The following ZNF514 variants were observed in gnomAD, a reference collection of about 807,000 sequenced individuals.
The protein encoded by ZNF514 is zinc finger protein 514.
ZNF514 carries 12 observed loss-of-function variants against 9.7 expected under a neutral mutation model. The ratio of observed to expected loss-of-function variants is 1.24; its 90% CI spans 0.79 to 2.01. The LOEUF (loss-of-function observed/expected upper bound fraction) is 2.01. ZNF514 is among the 30% of genes most tolerant of loss of function. The probability of loss-of-function intolerance (pLI) is 0.00; values close to 1 mark genes in which losing one functional copy is unlikely to be tolerated. For missense variants in ZNF514, 467 were observed against 465.5 expected, an observed-to-expected ratio of 1.00 and a Z score of -0.03; for synonymous variants, 158 against 163.7, an observed-to-expected ratio of 0.97 and a Z score of 0.27.
chr2:95,149,674 G>A lies in ZNF514; in HGVS notation c.811C>T (p.Gln271Ter). 6.2e-7 allele frequency: 1 copy of A among 1,614,152 alleles called. No homozygotes were observed. The highest frequency in any genetic ancestry group is 1.1e-5 in the South Asian group (1 of 91,082). The change falls in exon 5 of 5, where the codon CAG becomes TAG. Residue 271 changes from glutamine (Q) to a stop codon, truncating the protein, a stop_gained. Coordinates refer to ENST00000295208, the MANE Select transcript of ZNF514 (RefSeq NM_032788.3). LOFTEE classifies it low-confidence loss of function (END_TRUNC). ...ECSECGRAFSQSSSLVLHYRF... is the reference protein window; with the variant it reads ...ECSECGRAFS The stretch of plus-strand genomic sequence containing the variant: ...TAGTGCAGAACAAGAGACGAACTCT[G>A]GCTGAAGGCTCTCCCACATTCACTG...
chr2:95,148,981 C>CAG lies in ZNF514; in HGVS notation c.*300_*301insCT. The CAG allele has an allele frequency of 3.1e-6, 1 of 321,888 alleles. No homozygotes were observed. Among genetic ancestry groups the CAG allele is most frequent in the Non-Finnish European group, 5.7e-6 (1 of 176,126 alleles). 19.9% of individuals were successfully genotyped at this position (321,888 alleles called of 1,614,324 possible). ...TGCCACACTCACTGCATTGATAAGG[C>CAG]TCCTCCCCAGTGTCGGCTGTCTGAT... On this transcript the variant is annotated 3_prime_UTR_variant, in exon 5 of 5. Coordinates refer to ENST00000295208, the MANE Select transcript of ZNF514 (RefSeq NM_032788.3).
chr2:95,144,941 A>C (rs1262187452), downstream of ZNF514, among the ~76,000 whole-genome samples: 1 of 152,172 alleles, frequency 6.6e-6, no homozygotes, highest in Non-Finnish European at 1.5e-5. Flanking sequence ...ACCTATCCCT[A>C]AAAGATGGAA....
intron 4 of ZNF514, among the ~76,000 whole-genome samples, chr2:95,151,369 C>T (rs1461460394): frequency 6.6e-6 from 1 of 152,198 alleles, no homozygotes; most frequent in Non-Finnish European, 1.5e-5. Context: ...GCTGGGAACA[C>T]CCATCTGTTT....
the ZNF514 span, among the ~76,000 whole-genome samples, chr2:95,137,166 TCTAG>T: frequency 2.6e-5 from 4 of 152,186 alleles, no homozygotes; most frequent in Non-Finnish European, 5.9e-5. Flanking sequence ...AAGAAAATGC[TCTAG>T]CTGATTACCA....
At chr2:95,156,723 C>T (rs1179429716) in intron 2 of ZNF514, among the ~76,000 whole-genome samples, 1 of 152,194 alleles carries the variant, frequency 6.6e-6, no homozygotes, top group East Asian at 1.9e-4. Flanking sequence ...GCCTGCTTAA[C>T]ATGTTACTGG....
chr2:95,132,361 C>T, the ZNF514 span, among the ~76,000 whole-genome samples: 8 of 152,096 alleles, frequency 5.3e-5, no homozygotes, highest in Non-Finnish European at 1.0e-4. Context: ...CAAAGACGTA[C>T]ATGAAAAGAT....
In ZNF514 at chr2:95,146,917, A is replaced by G. The variant is rs1261158604; in HGVS notation, c.*2365T>C. ...GTGTGATCTTGACCTCAGCTGTCCA[A>G]GTACTTCCAGATCCAGATGCCTCCT... is the stretch of plus-strand genomic sequence containing the variant. On this transcript the variant is annotated 3_prime_UTR_variant, in exon 5 of 5. Transcript: ENST00000295208. 6.6e-6 allele frequency among the ~76,000 whole-genome samples: 1 copy of G among 152,092 alleles called. No homozygotes were observed. Among genetic ancestry groups the G allele is most frequent in the Non-Finnish European group, 1.5e-5 (1 of 68,014 alleles).
intron 4 of ZNF514, 118 bp from the exon 5 acceptor site, chr2:95,150,385 A>C: frequency 7.8e-6 from 9 of 1,151,670 alleles, no homozygotes; most frequent in Non-Finnish European, 8.3e-6. Flanking sequence ...TAACACCTAA[A>C]AGGGACGTAC....
At chr2:95,138,361 C>A in the ZNF514 span, among the ~76,000 whole-genome samples, 1 of 152,080 alleles carries the variant, frequency 6.6e-6, no homozygotes, top group Non-Finnish European at 1.5e-5. Context: ...TACTTGTGAC[C>A]AAAATGCTTA....
At chr2:95,139,687 T>G in the ZNF514 span, among the ~76,000 whole-genome samples, 1 of 152,218 alleles carries the variant, frequency 6.6e-6, no homozygotes, top group Non-Finnish European at 1.5e-5. Context: ...GAGTTAACTC[T>G]GGAATGAGTT....
At position 95,149,469 on chromosome 2, in the gene ZNF514, G is replaced by A; in HGVS notation, c.1016C>T (p.Thr339Ile). Reference protein sequence around the residue: ...SSLIVHYRFHTGEKPYKCNKC... With the variant: ...SSLIVHYRFHIGEKPYKCNKC... ...ATTACATTTGTAAGGTTTCTCTCCA[G>A]TATGAAATCTGTAATGCACAATGAG... Residue 339 changes from threonine (T) to isoleucine (I), a missense_variant, in exon 5 of 5, where the codon ACT becomes ATT. Thr to Ile is a moderately conservative substitution (Grantham distance 89). Coordinates refer to ENST00000295208, the MANE Select transcript of ZNF514 (RefSeq NM_032788.3). 6 of 1,614,016 alleles carry A rather than the reference G, an allele frequency of 3.7e-6. No homozygotes were observed. Among genetic ancestry groups the A allele is most frequent in the Non-Finnish European group, 5.1e-6 (6 of 1,179,984 alleles).
intron 4 of ZNF514, among the ~76,000 whole-genome samples, chr2:95,151,426 T>C (rs1673541367): frequency 6.6e-6 from 1 of 152,202 alleles, no homozygotes; most frequent in South Asian, 2.1e-4. Flanking sequence ...CTGCAAGGTA[T>C]TGGTTCTGCC....
chr2:95,123,435 A>C, the ZNF514 span, among the ~76,000 whole-genome samples: 1 of 152,198 alleles, frequency 6.6e-6, no homozygotes, highest in Non-Finnish European at 1.5e-5. Context: ...CATTACTCTT[A>C]TCTTCTTCCC....
chr2:95,159,123 G>A (rs1367863527), intron 1 of ZNF514, 117 bp downstream of exon 1: 8 of 933,940 alleles, frequency 8.6e-6, no homozygotes, highest in Non-Finnish European at 1.1e-5. Flanking sequence ...CCCACTAGGC[G>A]CGGCGGGGCC....
chr2:95,144,059 G>A (rs953899121), downstream of ZNF514, among the ~76,000 whole-genome samples: 5 of 152,162 alleles, frequency 3.3e-5, no homozygotes, highest in African/African-American at 1.2e-4. Context: ...CTGAATAAAT[G>A]CAAGTCTCAC....
chr2:95,150,406 A>C, intron 4 of ZNF514, 139 bp from the exon 5 acceptor site: 1 of 944,232 alleles, frequency 1.1e-6, no homozygotes, highest in Non-Finnish European at 1.5e-6. Flanking sequence ...AGATTTTTTC[A>C]ATAATGGCTT....
rs1673489664 is a variant in ZNF514, at chr2:95,150,009, C to T, written c.476G>A (p.Ser159Asn). ...AACAAGGACTGATCTTAAACCTAAG[C>T]TTCTCCCAAATCCATTCCATTTATA... ...RDYKWNGFGR[S>N]LGLRSVLVNQ... is the part of the protein sequence containing the mutation. Residue 159 changes from serine (S) to asparagine (N), a missense_variant, in exon 5 of 5, where the codon AGC becomes AAC. Coordinates refer to ENST00000295208, the MANE Select transcript of ZNF514 (RefSeq NM_032788.3). 1 of 1,614,178 alleles carries T rather than the reference C, an allele frequency of 6.2e-7. No homozygotes were observed. The highest frequency in any genetic ancestry group is 8.5e-7 in the Non-Finnish European group (1 of 1,180,020).
the ZNF514 span, among the ~76,000 whole-genome samples, chr2:95,131,305 A>G: frequency 1.3e-5 from 2 of 152,318 alleles, no homozygotes; most frequent in African/African-American, 4.8e-5. Flanking sequence ...CAAAGGGACC[A>G]GGCACAGTTT....
downstream of ZNF514, among the ~76,000 whole-genome samples, chr2:95,140,189 G>C (rs1388795048): frequency 6.6e-6 from 1 of 152,112 alleles, no homozygotes; most frequent in Non-Finnish European, 1.5e-5. Context: ...TGTAAATGAC[G>C]AGTTGATGGG....
Sources: gnomAD v4.1 joint callset for allele counts (sites outside exome capture counted in the v4.1 genomes callset) on GRCh38, gnomAD v4.1.1 for gene constraint, MANE v1.5 for transcripts, NCBI Gene and HGNC (gene_info 2026-07-23, HGNC 2026-07-21) for gene names.